NUP210L: variants seen among roughly 807,000 people sequenced by gnomAD.
NUP210L encodes nucleoporin 210 like, also known as nuclear pore membrane glycoprotein 210-like.
A neutral mutation model predicts 208.5 loss-of-function variants in NUP210L; 74 were observed. The ratio of observed to expected loss-of-function variants is 0.35; its 90% CI spans 0.29 to 0.43. The LOEUF is 0.43. NUP210L is among the 20% of genes least tolerant of loss of function. The probability of loss-of-function intolerance (pLI) is 1.00; values close to 1 mark genes in which losing one functional copy is unlikely to be tolerated. For missense variants in NUP210L, 1,843 were observed against 2,289.4 expected (o/e 0.81, Z 3.98); for synonymous variants, 780 against 816.9 (o/e 0.95, Z 0.77).
chr1:154,025,445 A>G, intron 30 of NUP210L, 97 bp downstream of exon 30: 1 of 787,648 alleles, frequency 1.3e-6, no homozygotes, highest in East Asian at 3.0e-5. Context: ...ATGGCATGAT[A>G]AGAAAATTTC....
intron 13 of NUP210L, among the ~76,000 whole-genome samples, chr1:154,103,533 G>T (rs986986863): frequency 6.8e-6 from 1 of 147,846 alleles, no homozygotes; most frequent in African/African-American, 2.5e-5. Context: ...TTAGCCGGGC[G>T]TGGTAGCGGG....
At chr1:154,118,873 T>C in intron 10 of NUP210L, 65 bp from the exon 11 acceptor site, 1 of 946,662 alleles carries the variant, frequency 1.1e-6, no homozygotes, top group South Asian at 2.5e-5. Context: ...TACACATTCA[T>C]ATACTCAAAA....
At chr1:154,010,934 G>C (rs1650873767) in intron 34 of NUP210L, among the ~76,000 whole-genome samples, 1 of 151,952 alleles carries the variant, frequency 6.6e-6, no homozygotes, top group Non-Finnish European at 1.5e-5. Context: ...GTAGCTTTTA[G>C]GTCTAAGAGA....
At chr1:154,012,356 T>A in exon 34 of NUP210L, 1 of 1,612,950 alleles carries the variant, frequency 6.2e-7, no homozygotes, top group Non-Finnish European at 8.5e-7. Flanking sequence ...ATCTTGATGA[T>A]GCATTGACCA....
chr1:154,075,167 C>A (rs903801442), intron 16 of NUP210L, among the ~76,000 whole-genome samples: 6 of 152,136 alleles, frequency 3.9e-5, no homozygotes, highest in Non-Finnish European at 7.3e-5. Flanking sequence ...TATTTAGAAA[C>A]CCAGATGTTT....
At chr1:154,127,532 A>T in intron 8 of NUP210L, 115 bp from the exon 9 acceptor site, 8 of 374,780 alleles carry the variant, frequency 2.1e-5, no homozygotes, top group Non-Finnish European at 3.4e-5. Flanking sequence ...TAATAGATGG[A>T]GATGGTTTCC....
exon 31 of NUP210L, chr1:154,023,230 A>G (rs748855598): frequency 2.5e-6 from 4 of 1,614,050 alleles, no homozygotes; most frequent in South Asian, 1.1e-5. Flanking sequence ...AAATGCTGAC[A>G]GGGTCCTTCC....
At chr1:154,097,086 T>A (rs1656217818) in intron 14 of NUP210L, among the ~76,000 whole-genome samples, 1 of 151,958 alleles carries the variant, frequency 6.6e-6, no homozygotes, top group Non-Finnish European at 1.5e-5. Flanking sequence ...AAAAAAAAAT[T>A]TTTTTTGACA....
exon 9 of NUP210L, chr1:154,127,345 A>G (rs753146889): frequency 6.2e-7 from 1 of 1,603,974 alleles, no homozygotes; most frequent in Non-Finnish European, 8.5e-7. Context: ...GCTTTTATCA[A>G]AGACGTCTAC....
intron 16 of NUP210L, among the ~76,000 whole-genome samples, chr1:154,081,993 A>AC (rs1655357809): frequency 6.6e-6 from 1 of 152,150 alleles, no homozygotes; most frequent in Non-Finnish European, 1.5e-5. Flanking sequence ...AAAACAAAAA[A>AC]CATTGGACAC....
chr1:154,105,822 C>T lies in NUP210L; in HGVS notation c.1621-1612G>A, dbSNP rs748879618. 1.9e-4 allele frequency among the ~76,000 whole-genome samples: 29 copies of T among 152,064 alleles called. 1 individual carries two copies. Among genetic ancestry groups the T allele is most frequent in the Non-Finnish European group, 1.6e-4 (11 of 68,016 alleles). On this transcript the variant is annotated intron_variant, in intron 12 of 39. Transcript: ENST00000368559. ...AGCCCACTTCACTGAAGGGAGAGAC[C>T]CAGGCCTGGTAGCATTCACAAGCTG...
intron 33 of NUP210L, among the ~76,000 whole-genome samples, chr1:154,016,787 TACAAAACAAA>T (rs147883535): frequency 0.041 from 6,275 of 151,448 alleles, 186 homozygotes; most frequent in Non-Finnish European, 0.062. Flanking sequence ...CTATCAAAAA[TACAAAACAAA>T]ACAAAACAAA....
rs1324525425 is a variant in NUP210L at position 154,054,324 on chromosome 1, C to T, written c.3387G>A (p.Arg1129=). Residue 1129 remains arginine, a synonymous_variant, in exon 25 of 40, where the codon AGG becomes AGA. Transcript: ENST00000368559. ...CAACAATCTTCCCTGTAACTTGCCCCCTCCTATTAACAACAGCCACGGTCT... is the reference window on the plus strand; with the variant it reads ...CAACAATCTTCCCTGTAACTTGCCCTCTCCTATTAACAACAGCCACGGTCT... 5 of 1,614,054 alleles carry T rather than the reference C, an allele frequency of 3.1e-6. No individual in the cohort carries two copies. In the Admixed American group the frequency reaches 8.3e-5, roughly 27 times the overall value.
chr1:154,127,399 C>T (rs1658039048), exon 9 of NUP210L: 2 of 1,587,614 alleles, frequency 1.3e-6, no homozygotes, highest in Non-Finnish European at 1.7e-6. Context: ...CCATCGGTTT[C>T]CAGGTTGGAC....
At chr1:154,002,219 T>C (rs190908900) in intron 35 of NUP210L, among the ~76,000 whole-genome samples, 6 of 152,190 alleles carry the variant, frequency 3.9e-5, no homozygotes, top group Non-Finnish European at 7.4e-5. Context: ...AGAATACCAT[T>C]CTTTCTTTTT....
chr1:154,038,999 G>A (rs1048153001), intron 27 of NUP210L, among the ~76,000 whole-genome samples: 1 of 151,778 alleles, frequency 6.6e-6, no homozygotes, highest in Non-Finnish European at 1.5e-5. Context: ...TTTTTAGTAG[G>A]TTCATCTTTT....
chr1:154,076,394 G>A (rs926576796), intron 16 of NUP210L, among the ~76,000 whole-genome samples: 4 of 152,030 alleles, frequency 2.6e-5, no homozygotes, highest in African/African-American at 9.7e-5. Context: ...GAGCCACTGT[G>A]CCCGGCCAGA....
Position 154,025,632 on chromosome 1 carries a change from C to T in NUP210L, c.4032G>A (p.Leu1344=). Residue 1344 remains leucine, a synonymous_variant, in exon 30 of 40, where the codon CTG becomes CTA. Coordinates refer to ENST00000368559, the Ensembl canonical transcript of NUP210L. ...CAGTACCTGCAATGGAACCAGCTTT[C>T]AGGAGCCCTTCACCATCCTCCTCAA... 4 of 1,613,896 alleles carry T rather than the reference C, an allele frequency of 2.5e-6. No homozygotes were observed. In the South Asian group the frequency reaches 4.4e-5, roughly 18 times the overall value.
At chr1:153,995,444 G>A (rs151003448) in intron 37 of NUP210L, among the ~76,000 whole-genome samples, 300 of 152,290 alleles carry the variant, frequency 2.0e-3, no homozygotes, top group African/African-American at 7.0e-3. Flanking sequence ...AGCTTCAGAT[G>A]TGAACTATAC....
Sources: allele counts gnomAD v4.1 joint callset (sites outside exome capture counted in the v4.1 genomes callset), GRCh38; gene constraint gnomAD v4.1.1; transcripts MANE v1.5; gene names NCBI Gene and HGNC (gene_info 2026-07-23, HGNC 2026-07-21).